Variants in GHR observed in about 807,000 individuals in gnomAD.
The protein encoded by GHR is growth hormone receptor, also known as GH receptor.
GHR carries 35 observed loss-of-function variants against 67.1 expected under a neutral mutation model. The ratio of observed to expected loss-of-function variants is 0.52; its 90% CI spans 0.40 to 0.69. The LOEUF (loss-of-function observed/expected upper bound fraction) is 0.69. GHR is among the 30% of genes least tolerant of loss of function. GHR has a pLI of 0.00. For missense variants in GHR, 792 were observed against 764.6 expected, an observed-to-expected ratio of 1.04 and a Z score of -0.42; for synonymous variants, 272 against 269.1, an observed-to-expected ratio of 1.01 and a Z score of -0.10.
chr5:42,514,593 A>C (rs2112277335), intron 1 of GHR, among the ~76,000 whole-genome samples: 1 of 152,278 alleles, frequency 6.6e-6, no homozygotes, highest in East Asian at 1.9e-4. Context: ...GGCAGGGCCT[A>C]AGAAAGATCG....
intron 1 of GHR, among the ~76,000 whole-genome samples, chr5:42,529,999 C>CTTTTTTTTTT (rs376534691): frequency 1.7e-5 from 1 of 57,568 alleles, no homozygotes; most frequent in Non-Finnish European, 3.3e-5. Context: ...TGAATCACTT[C>CTTTTTTTTTT]TTTTTTTTTT....
chr5:42,719,665 T>A lies in GHR; in HGVS notation c.*241T>A. The stretch of plus-strand genomic sequence containing the variant: ...TTTTAAAGAATTGTGTCAGACTGTT[T>A]AGTAGCAGTGATTGTCTTAATATTG... On this transcript the variant is annotated 3_prime_UTR_variant, in exon 10 of 10. Coordinates refer to ENST00000230882, the MANE Select transcript of GHR (RefSeq NM_000163.5). The A allele has an allele frequency of 2.0e-6, 1 of 503,918 alleles. No individual in the cohort carries two copies. The highest frequency in any genetic ancestry group is 2.0e-5 in the South Asian group (1 of 48,970). 31.2% of individuals were successfully genotyped at this position (503,918 alleles called of 1,614,324 possible).
chr5:42,564,736 C>G (rs1749829372), intron 1 of GHR, among the ~76,000 whole-genome samples: 1 of 152,122 alleles, frequency 6.6e-6, no homozygotes, highest in Admixed American at 6.5e-5. Context: ...ATTATTTCAG[C>G]CTGATTAGGG....
At chr5:42,500,253 T>C (rs1433398565) in intron 1 of GHR, among the ~76,000 whole-genome samples, 1 of 152,188 alleles carries the variant, frequency 6.6e-6, no homozygotes, top group Non-Finnish European at 1.5e-5. Context: ...AAGTTATCAG[T>C]GTTACATGAG....
At chr5:42,450,571 C>T (rs753174614) in intron 1 of GHR, among the ~76,000 whole-genome samples, 1 of 151,940 alleles carries the variant, frequency 6.6e-6, no homozygotes, top group East Asian at 1.9e-4. Context: ...TTCAAAGAAC[C>T]AGCTTTTTGT....
intron 1 of GHR, among the ~76,000 whole-genome samples, chr5:42,448,112 T>C (rs931083895): frequency 6.6e-6 from 1 of 152,128 alleles, no homozygotes; most frequent in African/African-American, 2.4e-5. Context: ...AGATACCCAG[T>C]AGTGGGATTG....
intron 1 of GHR, among the ~76,000 whole-genome samples, chr5:42,461,894 A>G (rs149922260): frequency 2.1e-3 from 319 of 152,334 alleles, no homozygotes; most frequent in African/African-American, 7.3e-3. Context: ...GGAGAATGGA[A>G]AAACACAGGG....
chr5:42,426,457 C>T (rs939200338), intron 1 of GHR, among the ~76,000 whole-genome samples: 5 of 152,144 alleles, frequency 3.3e-5, no homozygotes, highest in African/African-American at 4.8e-5. Context: ...CTTCTCAGGT[C>T]GTACCACTGG....
chr5:42,459,860 G>A (rs181886640), intron 1 of GHR, among the ~76,000 whole-genome samples: 1 of 152,194 alleles, frequency 6.6e-6, no homozygotes. Context: ...CATGAGAATT[G>A]GACCCAGCCT....
In GHR at chr5:42,437,051, A is replaced by G. The variant is rs140795284; in HGVS notation, c.-12+13096A>G. ...CCTAGAGTTAGTATCTAATAACACA[A>G]TCTATGTAAAACACAAATTATTGGC... is the stretch of plus-strand genomic sequence containing the variant. On this transcript the variant is annotated intron_variant, in intron 1 of 9. Transcript: ENST00000230882. 2.6e-3 allele frequency among the ~76,000 whole-genome samples: 400 copies of G among 152,350 alleles called. 2 individuals carry two copies. Among genetic ancestry groups the G allele is most frequent in the African/African-American group, 9.2e-3 (384 of 41,590 alleles).
intron 1 of GHR, among the ~76,000 whole-genome samples, chr5:42,456,259 C>T (rs1158086596): frequency 1.3e-5 from 2 of 152,146 alleles, no homozygotes; most frequent in Non-Finnish European, 2.9e-5. Flanking sequence ...GGCAGTGAGC[C>T]GAGATCGTGC....
chr5:42,562,453 G>A (rs998154557), intron 1 of GHR, among the ~76,000 whole-genome samples: 1 of 152,120 alleles, frequency 6.6e-6, no homozygotes, highest in African/African-American at 2.4e-5. Context: ...CCTATGCAGT[G>A]TTCCAGGCGG....
chr5:42,448,875 A>G (rs374089184), intron 1 of GHR, among the ~76,000 whole-genome samples: 6 of 152,058 alleles, frequency 3.9e-5, no homozygotes, highest in Non-Finnish European at 7.4e-5. Context: ...TCCCAGCACC[A>G]TTTGTTGACT....
rs1742724547 is a variant in GHR at position 42,423,923 on chromosome 5, C to G, written c.-44C>G. The G allele has an allele frequency of 6.5e-6, 1 of 153,880 alleles. No homozygotes were observed. Among genetic ancestry groups the G allele is most frequent in the Middle Eastern group, 3.4e-3 (1 of 292 alleles). 9.5% of individuals were successfully genotyped at this position (153,880 alleles called of 1,614,324 possible). A position where few individuals can be genotyped will look rare whatever the true frequency, so the allele number is the denominator to read the frequency against. ...CCATTGGCCCCAGCGCAGACGCGAA[C>G]CCGCGCTCTCTGATCAGAGGCGAAG... On this transcript the variant is annotated 5_prime_UTR_variant, in exon 1 of 10. Transcript: ENST00000230882.
At position 42,482,609 on chromosome 5, in the gene GHR, C is replaced by T. The variant is rs188523228; in HGVS notation, c.-12+58654C>T. ...GGCGCCCCTCCCCCAGCCTCGCTGC[C>T]GCCTTGCAGTTCAATCTTAGACTGC... is the stretch of plus-strand genomic sequence containing the variant. On this transcript the variant is annotated intron_variant, in intron 1 of 9. Transcript: ENST00000230882. 6.8e-3 allele frequency among the ~76,000 whole-genome samples: 1,030 copies of T among 152,146 alleles called. 19 individuals carry two copies. The highest frequency in any genetic ancestry group is 7.5e-3 in the Admixed American group (114 of 15,288).
At chr5:42,476,835 C>T (rs1745346807) in intron 1 of GHR, among the ~76,000 whole-genome samples, 1 of 151,876 alleles carries the variant, frequency 6.6e-6, no homozygotes, top group Non-Finnish European at 1.5e-5. Flanking sequence ...TTGCCTTCTA[C>T]TCCATCTCTT....
intron 1 of GHR, among the ~76,000 whole-genome samples, chr5:42,497,507 G>T (rs1332917723): frequency 1.3e-5 from 2 of 152,126 alleles, no homozygotes; most frequent in African/African-American, 4.8e-5. Context: ...TTTAAGCAAG[G>T]ATTGCCAAAC....
At chr5:42,466,952 A>C (rs1180675823) in intron 1 of GHR, 1 of 1,543,618 alleles carries the variant, frequency 6.5e-7, no homozygotes, top group Non-Finnish European at 8.7e-7. Context: ...GCTGCACCAC[A>C]CTTCTTATAT....
At chr5:42,444,293 CAG>C (rs2111969594) in intron 1 of GHR, among the ~76,000 whole-genome samples, 1 of 152,248 alleles carries the variant, frequency 6.6e-6, no homozygotes, top group Non-Finnish European at 1.5e-5. Context: ...AGAAGGCACA[CAG>C]AATGTCCAGT....
Sources: allele counts gnomAD v4.1 joint callset (sites outside exome capture counted in the v4.1 genomes callset), GRCh38; gene constraint gnomAD v4.1.1; transcripts MANE v1.5; gene names NCBI Gene and HGNC (gene_info 2026-07-23, HGNC 2026-07-21).